Variants in MAP7 observed in about 807,000 individuals in gnomAD.
MAP7 encodes the protein ensconsin.
MAP7 carries 52 observed loss-of-function variants against 94.8 expected under a neutral mutation model. The ratio of observed to expected loss-of-function variants is 0.55; its 90% CI spans 0.44 to 0.69. The LOEUF (loss-of-function observed/expected upper bound fraction) is 0.69. Ranked by LOEUF, MAP7 falls within the 30% of genes least tolerant of loss-of-function variation. MAP7 has a pLI of 0.00. For synonymous variants in MAP7, 350 were observed against 357.0 expected (o/e 0.98, Z 0.22); for missense variants, 940 against 964.6 (o/e 0.97, Z 0.34).
rs1177813817 is a variant in MAP7, at chr6:136,485,554, GA to G, written c.68-63756del. Among the ~76,000 whole-genome samples, 282 of 124,408 alleles carry G rather than the reference GA, an allele frequency of 2.3e-3. 1 individual carries two copies. The highest frequency in any genetic ancestry group is 9.1e-3 in the African/African-American group (265 of 29,096). The allele number at this position is 124,408 out of a possible 152,430, so 81.6% of individuals were successfully genotyped here. On this transcript the variant is annotated intron_variant, in intron 1 of 17. Coordinates refer to ENST00000354570, the MANE Select transcript of MAP7 (RefSeq NM_003980.6). ...TGACTTAATGATCAATTCCACTTCAGATTTTTTTTTTTTTTTTTTTTTTTTT... is the reference window on the plus strand; with the variant it reads ...TGACTTAATGATCAATTCCACTTCAGTTTTTTTTTTTTTTTTTTTTTTTTT...
chr6:136,401,257 C>G (rs1240225467), intron 3 of MAP7, among the ~76,000 whole-genome samples: 3 of 152,128 alleles, frequency 2.0e-5, no homozygotes, highest in Non-Finnish European at 4.4e-5. Context: ...GAGGCTGAGG[C>G]AGAAGGGTCC....
chr6:136,489,334 C>T (rs1487337721), intron 1 of MAP7, among the ~76,000 whole-genome samples: 2 of 152,100 alleles, frequency 1.3e-5, no homozygotes, highest in African/African-American at 4.8e-5. Flanking sequence ...GTTTCTTTTG[C>T]TATTAACCAG....
At chr6:136,522,846 C>T (rs1185806005) in intron 1 of MAP7, among the ~76,000 whole-genome samples, 1 of 152,126 alleles carries the variant, frequency 6.6e-6, no homozygotes, top group Non-Finnish European at 1.5e-5. Context: ...ACCTGGGCAA[C>T]ATAGCAAGAT....
chr6:136,436,523 G>A (rs1476623545), intron 1 of MAP7, among the ~76,000 whole-genome samples: 2 of 148,140 alleles, frequency 1.4e-5, no homozygotes, highest in Non-Finnish European at 2.9e-5. Flanking sequence ...GGGACTACAG[G>A]AACATGCCAC....
chr6:136,526,789 C>A, intron 1 of MAP7: 2 of 589,766 alleles, frequency 3.4e-6, no homozygotes, highest in Non-Finnish European at 4.2e-6. Flanking sequence ...TTTGCAAGCC[C>A]CTGGATGAAT....
chr6:136,352,977 T>C (rs1789659957), intron 16 of MAP7, among the ~76,000 whole-genome samples: 1 of 152,156 alleles, frequency 6.6e-6, no homozygotes, highest in South Asian at 2.1e-4. Context: ...AATTTCAAAA[T>C]AATTAAGGGA....
At chr6:136,532,860 T>A (rs755726638) in intron 1 of MAP7, among the ~76,000 whole-genome samples, 5 of 152,268 alleles carry the variant, frequency 3.3e-5, no homozygotes, top group African/African-American at 1.2e-4. Context: ...CCCGAGGTTT[T>A]AGCCTTAAAT....
chr6:136,371,948 A>C (rs1774638078), intron 8 of MAP7, among the ~76,000 whole-genome samples: 1 of 152,236 alleles, frequency 6.6e-6, no homozygotes. Context: ...CCTTTTACGA[A>C]TTAGTGATAT....
At chr6:136,378,687 T>C (rs1377989631) in intron 6 of MAP7, among the ~76,000 whole-genome samples, 6 of 152,204 alleles carry the variant, frequency 3.9e-5, no homozygotes, top group African/African-American at 1.2e-4. Flanking sequence ...CCAAATTATA[T>C]TGGAGCTTAG....
At chr6:136,398,387 A>G (rs1277884450) in intron 3 of MAP7, among the ~76,000 whole-genome samples, 1 of 152,246 alleles carries the variant, frequency 6.6e-6, no homozygotes, top group Non-Finnish European at 1.5e-5. Context: ...CAGGGATTCA[A>G]TAAATGCAGA....
At chr6:136,412,604 G>A (rs938027710) in intron 2 of MAP7, among the ~76,000 whole-genome samples, 1 of 152,154 alleles carries the variant, frequency 6.6e-6, no homozygotes, top group African/African-American at 2.4e-5. Flanking sequence ...AAGGCCCTGA[G>A]GTTGCAAGTA....
intron 1 of MAP7, among the ~76,000 whole-genome samples, chr6:136,505,652 A>C (rs1340247679): frequency 6.6e-6 from 1 of 152,074 alleles, no homozygotes; most frequent in African/African-American, 2.4e-5. Context: ...ACCGGAGGAC[A>C]AGAGGATCCA....
intron 1 of MAP7, among the ~76,000 whole-genome samples, chr6:136,476,758 T>C (rs1341298874): frequency 2.0e-5 from 3 of 152,032 alleles, no homozygotes; most frequent in Admixed American, 2.0e-4. Context: ...TAGGTGTGTA[T>C]GTGTATGTAT....
At chr6:136,349,691 A>T (rs775066300) in intron 16 of MAP7, among the ~76,000 whole-genome samples, 1 of 152,128 alleles carries the variant, frequency 6.6e-6, no homozygotes, top group Non-Finnish European at 1.5e-5. Flanking sequence ...ATTTCTGTAT[A>T]CCTTTAAAAT....
intron 3 of MAP7, among the ~76,000 whole-genome samples, chr6:136,402,364 C>G (rs550730921): frequency 2.0e-5 from 3 of 152,324 alleles, no homozygotes; most frequent in South Asian, 4.1e-4. Context: ...GTGATTCACA[C>G]TGGGCTTTGG....
chr6:136,432,736 C>T (rs1795304463), intron 1 of MAP7, among the ~76,000 whole-genome samples: 1 of 152,016 alleles, frequency 6.6e-6, no homozygotes, highest in African/African-American at 2.4e-5. Context: ...GTATCAACTG[C>T]ACATTTGCTT....
chr6:136,361,984 G>T (rs926552922), intron 11 of MAP7, among the ~76,000 whole-genome samples: 22 of 152,138 alleles, frequency 1.4e-4, no homozygotes, highest in Non-Finnish European at 2.9e-4. Context: ...GTATATGTAT[G>T]TATATATACA....
intron 1 of MAP7, among the ~76,000 whole-genome samples, chr6:136,539,245 C>A (rs749093251): frequency 1.3e-5 from 2 of 152,082 alleles, no homozygotes; most frequent in Admixed American, 6.6e-5. Context: ...ATTACCAATA[C>A]CCTATTTTAA....
intron 1 of MAP7, among the ~76,000 whole-genome samples, chr6:136,493,741 T>C (rs1402429286): frequency 2.0e-5 from 3 of 152,150 alleles, no homozygotes; most frequent in Non-Finnish European, 2.9e-5. Flanking sequence ...ATCGTTCTCA[T>C]TGGGATTCAA....
Sources: allele counts gnomAD v4.1 joint callset (sites outside exome capture counted in the v4.1 genomes callset), GRCh38; gene constraint gnomAD v4.1.1; transcripts MANE v1.5; gene names NCBI Gene and HGNC (gene_info 2026-07-23, HGNC 2026-07-21).